Variants in ADGRL2 observed in about 807,000 individuals in gnomAD.
ADGRL2 encodes the protein adhesion G protein-coupled receptor L2.
ADGRL2 carries 44 observed loss-of-function variants against 157.4 expected under a neutral mutation model. The observed-to-expected ratio is 0.28, with a 90% CI of 0.22 to 0.36. ADGRL2 has a LOEUF of 0.36. Ranked by LOEUF, ADGRL2 falls within the 10% of genes least tolerant of loss-of-function variation. ADGRL2 has a pLI of 1.00. For missense variants in ADGRL2, 1,510 were observed against 1,768.9 expected, an observed-to-expected ratio of 0.85 and a Z score of 2.63; for synonymous variants, 585 against 624.7, an observed-to-expected ratio of 0.94 and a Z score of 0.95.
intron 1 of ADGRL2, among the ~76,000 whole-genome samples, chr1:81,372,588 C>A (rs996192511): frequency 2.0e-5 from 3 of 152,074 alleles, no homozygotes; most frequent in African/African-American, 7.2e-5. Context: ...GCTTATGGCT[C>A]TTGATTAATT....
At chr1:81,399,444 A>G (rs1434904012) in intron 1 of ADGRL2, among the ~76,000 whole-genome samples, 1 of 152,168 alleles carries the variant, frequency 6.6e-6, no homozygotes, top group Non-Finnish European at 1.5e-5. Flanking sequence ...GTGGTATCGC[A>G]TAAGTCTTGT....
chr1:81,627,948 G>A (rs930909362), intron 3 of ADGRL2, among the ~76,000 whole-genome samples: 2 of 152,116 alleles, frequency 1.3e-5, no homozygotes, highest in African/African-American at 2.4e-5. Flanking sequence ...CACCATCAGC[G>A]GTTTGTATCT....
intron 1 of ADGRL2, among the ~76,000 whole-genome samples, chr1:81,323,236 T>G (rs1180109021): frequency 6.6e-6 from 1 of 151,492 alleles, no homozygotes; most frequent in African/African-American, 2.4e-5. Flanking sequence ...AAAAGAAAAT[T>G]TTTCTGTTTT....
intron 1 of ADGRL2, among the ~76,000 whole-genome samples, chr1:81,823,027 T>C (rs894205852): frequency 6.6e-6 from 1 of 152,084 alleles, no homozygotes; most frequent in Non-Finnish European, 1.5e-5. Flanking sequence ...GCCTTATAGA[T>C]TGACACTCTT....
At chr1:81,459,685 T>A (rs2077880974) in intron 2 of ADGRL2, among the ~76,000 whole-genome samples, 2 of 151,882 alleles carry the variant, frequency 1.3e-5, no homozygotes, top group African/African-American at 2.4e-5. Context: ...TTTACATACA[T>A]ACATGTGTAT....
At chr1:81,499,190 C>T (rs1193206544) in intron 2 of ADGRL2, among the ~76,000 whole-genome samples, 3 of 152,230 alleles carry the variant, frequency 2.0e-5, no homozygotes, top group Admixed American at 6.5e-5. Flanking sequence ...GACATGTATT[C>T]GAGAAGTAAA....
At chr1:81,505,315 C>A (rs2078949297) in intron 2 of ADGRL2, among the ~76,000 whole-genome samples, 1 of 151,398 alleles carries the variant, frequency 6.6e-6, no homozygotes, top group South Asian at 2.1e-4. Flanking sequence ...CAGTGAGGAG[C>A]CCAGTTGGCT....
In ADGRL2 at chr1:81,528,364, C is replaced by T. The variant is rs898109613; in HGVS notation, c.-247-52512C>T. ...AGGTTCTTTAGAATAGAAACTGACC[C>T]GGCCCGGCGCGGTGGCTCACGCCTG... On this transcript the variant is annotated intron_variant, in intron 2 of 24. Transcript: ENST00000370721. Among the ~76,000 whole-genome samples, 7 of 151,954 alleles carry T rather than the reference C, an allele frequency of 4.6e-5. No individual in the cohort carries two copies. In the East Asian group the frequency reaches 9.8e-4, roughly 21 times the overall value.
intron 2 of ADGRL2, among the ~76,000 whole-genome samples, chr1:81,901,584 T>A (rs284223): frequency 0.73 from 109,176 of 150,380 alleles, 39,739 homozygotes; most frequent in East Asian, 0.91. Context: ...ATATATATAT[T>A]TTTTTTTTTG....
intron 2 of ADGRL2, among the ~76,000 whole-genome samples, chr1:81,511,400 G>GCACACA (rs149522214): frequency 0.1 from 13,279 of 126,970 alleles, 771 homozygotes; most frequent in South Asian, 0.16. Flanking sequence ...AAAAAAGCGC[G>GCACACA]CACACACACA....
intron 11 of ADGRL2, among the ~76,000 whole-genome samples, chr1:81,958,058 C>T (rs1654139198): frequency 6.6e-6 from 1 of 151,866 alleles, no homozygotes; most frequent in Admixed American, 6.6e-5. Flanking sequence ...TCAGGAGTTC[C>T]CAGCCTGCCC....
intron 3 of ADGRL2, among the ~76,000 whole-genome samples, chr1:81,682,689 G>A (rs2083145547): frequency 6.6e-6 from 1 of 152,188 alleles, no homozygotes; most frequent in Non-Finnish European, 1.5e-5. Flanking sequence ...CTATATAGGA[G>A]TCTATTGTTC....
chr1:81,973,129 C>T (rs997166489), intron 17 of ADGRL2, among the ~76,000 whole-genome samples: 2 of 152,044 alleles, frequency 1.3e-5, no homozygotes, highest in Non-Finnish European at 2.9e-5. Context: ...CTTAAAACCA[C>T]TTCAAGTGTA....
chr1:81,310,557 A>C (rs1006185613), intron 1 of ADGRL2, among the ~76,000 whole-genome samples: 1 of 152,200 alleles, frequency 6.6e-6, no homozygotes, highest in Non-Finnish European at 1.5e-5. Flanking sequence ...CTGTGATACC[A>C]GCATTCTTTT....
intron 2 of ADGRL2, among the ~76,000 whole-genome samples, chr1:81,891,545 C>T (rs964206056): frequency 6.6e-6 from 1 of 152,036 alleles, no homozygotes; most frequent in Admixed American, 6.6e-5. Flanking sequence ...ATTTTTGATG[C>T]CTTTTTGTCC....
rs2079624313 is a variant in ADGRL2 at position 81,532,500 on chromosome 1, AT to A, written c.-247-48374del. Among the ~76,000 whole-genome samples, 3 of 151,692 alleles carry A rather than the reference AT, an allele frequency of 2.0e-5. No individual in the cohort carries two copies. In the South Asian group the frequency reaches 6.2e-4, roughly 31 times the overall value. On this transcript the variant is annotated intron_variant, in intron 2 of 24. Coordinates refer to the ADGRL2 transcript ENST00000370721. ...TATGAATAATATCTGAGCTGCAGAG[AT>A]TACTGTTTCACCAGGTTATTCCAAG... is the stretch of plus-strand genomic sequence containing the variant.
intron 1 of ADGRL2, among the ~76,000 whole-genome samples, chr1:81,721,169 G>A (rs67271866): frequency 0.069 from 10,256 of 149,666 alleles, 437 homozygotes; most frequent in South Asian, 0.15. Context: ...ACCGCACCCC[G>A]CCAGATTTAA....
chr1:81,384,561 A>G (rs565314376), intron 1 of ADGRL2, among the ~76,000 whole-genome samples: 1 of 152,204 alleles, frequency 6.6e-6, no homozygotes, highest in African/African-American at 2.4e-5. Flanking sequence ...AAAATGAATC[A>G]TTTTTCTTTG....
chr1:81,808,230 T>C lies in ADGRL2; in HGVS notation c.-101+7162T>C, dbSNP rs116539579. Among the ~76,000 whole-genome samples the C allele has an allele frequency of 6.7e-3, 1,020 of 152,058 alleles. 4 individuals carry two copies. Among genetic ancestry groups the C allele is most frequent in the African/African-American group, 0.022 (901 of 41,528 alleles). ...GTAGTAAGTAAAATCCCATCACACT[T>C]ATATAAGTTTGTTCAATTACCAGAA... is the stretch of plus-strand genomic sequence containing the variant. On this transcript the variant is annotated intron_variant, in intron 1 of 23. Coordinates refer to ENST00000686636, the MANE Select transcript of ADGRL2 (RefSeq NM_001366006.2).
Sources: gnomAD v4.1 joint callset for allele counts (sites outside exome capture counted in the v4.1 genomes callset) on GRCh38, gnomAD v4.1.1 for gene constraint, MANE v1.5 for transcripts, NCBI Gene and HGNC (gene_info 2026-07-23, HGNC 2026-07-21) for gene names.